Variants in SDR42E2 observed in about 807,000 individuals in gnomAD.
SDR42E2 encodes the protein short chain dehydrogenase/reductase family 42E, member 2, also known as putative short-chain dehydrogenase/reductase family 42E member 2.
In SDR42E2, 20 loss-of-function variants were observed where a neutral mutation model predicts 10.5. The ratio of observed to expected loss-of-function variants is 1.90; its 90% CI spans 1.34 to 2.77. SDR42E2 has a LOEUF of 2.77. Among genes scored for constraint, SDR42E2 ranks in the 30% most tolerant of loss-of-function variants. The pLI, the probability that SDR42E2 is intolerant of heterozygous loss-of-function variation, is 0.00. For missense variants in SDR42E2, 162 were observed against 104.2 expected, an observed-to-expected ratio of 1.55 and a Z score of -2.42; for synonymous variants, 72 against 39.2, an observed-to-expected ratio of 1.84 and a Z score of -3.12.
At chr16:22,183,684 C>G (rs1299933520) in intron 10 of SDR42E2, among the ~76,000 whole-genome samples, 1 of 152,212 alleles carries the variant, frequency 6.6e-6, no homozygotes, top group Non-Finnish European at 1.5e-5. Flanking sequence ...GCATATCCTA[C>G]CACCCTCCAC....
intron 9 of SDR42E2, among the ~76,000 whole-genome samples, 178 bp downstream of exon 9, chr16:22,181,834 A>G (rs544610912): frequency 6.6e-6 from 1 of 152,314 alleles, no homozygotes; most frequent in Admixed American, 6.5e-5. Context: ...AGTTCTTTAT[A>G]GAGCATCTTT....
intron 1 of SDR42E2, among the ~76,000 whole-genome samples, chr16:22,164,872 T>C (rs1041435251): frequency 1.2e-4 from 18 of 152,198 alleles, no homozygotes; most frequent in Admixed American, 9.8e-4. Flanking sequence ...TCTGGTGAGG[T>C]TCCCGCTGGA....
rs1023461490 is a variant in SDR42E2, at chr16:22,166,934, C to T, written c.271C>T (p.Arg91Cys). Residue 91 changes from arginine to cysteine, a missense_variant, in exon 4 of 13, where the codon CGT becomes TGT. Physicochemically the swap from Arg to Cys is radical, Grantham distance 180. Transcript: ENST00000602312. ...ADVRDEEALYRAFEGVDCVFH... is the reference protein window; with the variant it reads ...ADVRDEEALYCAFEGVDCVFH... Reference sequence around the variant, plus strand: ...TGTCCGAGATGAAGAAGCCCTGTACCGTGCCTTCGAAGGGGTGGACTGTGT... The same window carrying T: ...TGTCCGAGATGAAGAAGCCCTGTACTGTGCCTTCGAAGGGGTGGACTGTGT... 13 of 700,582 alleles carry T rather than the reference C, an allele frequency of 1.9e-5. 1 individual carries two copies. The highest frequency in any genetic ancestry group is 3.4e-5 in the Non-Finnish European group (13 of 383,512). 43.4% of individuals were successfully genotyped at this position (700,582 alleles called of 1,614,324 possible).
Position 22,166,246 on chromosome 16 carries a change from C to A in SDR42E2, c.56-4C>A. ...CAGTGAGTCAACAACAACCCCAACACCAGCGCCGCAGCAGAAGACTCAAGC... is the reference window on the plus strand; with the variant it reads ...CAGTGAGTCAACAACAACCCCAACAACAGCGCCGCAGCAGAAGACTCAAGC... On this transcript the variant is annotated splice_polypyrimidine_tract_variant and splice_region_variant and intron_variant, in intron 2 of 12. Transcript: ENST00000602312. The A allele has an allele frequency of 2.5e-6, 1 of 403,200 alleles. No homozygotes were observed. Among genetic ancestry groups the A allele is most frequent in the Non-Finnish European group, 4.4e-6 (1 of 227,662 alleles). 25.0% of individuals were successfully genotyped at this position (403,200 alleles called of 1,614,324 possible). A position where few individuals can be genotyped will look rare whatever the true frequency, so the allele number is the denominator to read the frequency against.
intron 7 of SDR42E2, among the ~76,000 whole-genome samples, chr16:22,176,453 A>C (rs1178884177): frequency 5.3e-5 from 8 of 152,234 alleles, no homozygotes; most frequent in Non-Finnish European, 1.0e-4. Flanking sequence ...TTACGCTCTA[A>C]ACTTCAGAGC....
chr16:22,172,447 C>T (rs779801588), intron 7 of SDR42E2, 116 bp downstream of exon 7: 17 of 680,148 alleles, frequency 2.5e-5, no homozygotes, highest in Admixed American at 1.2e-4. Flanking sequence ...TTCCAAAGGA[C>T]GGTTTCCCAG....
At chr16:22,166,119 T>C (rs185118861) in intron 2 of SDR42E2, 131 bp from the exon 3 acceptor site, 41 of 484,514 alleles carry the variant, frequency 8.5e-5, no homozygotes, top group African/African-American at 7.9e-4. Flanking sequence ...GATCGGTACC[T>C]GGGCCGGGAG....
intron 4 of SDR42E2, among the ~76,000 whole-genome samples, chr16:22,167,342 G>A (rs553101412): frequency 2.0e-5 from 3 of 151,660 alleles, no homozygotes; most frequent in South Asian, 2.1e-4. Context: ...CCACCAACAC[G>A]CCCAGCTAAT....
intron 10 of SDR42E2, 114 bp from the exon 11 acceptor site, chr16:22,184,067 G>T: frequency 2.5e-6 from 1 of 397,006 alleles, no homozygotes. Context: ...CCCTGGGGTG[G>T]GTTGGTGGGG....
chr16:22,189,130 CACTT>C (rs1342133355), intron 12 of SDR42E2, among the ~76,000 whole-genome samples: 2 of 152,158 alleles, frequency 1.3e-5, no homozygotes, highest in African/African-American at 4.8e-5. Context: ...CAAAGCCCTG[CACTT>C]ACTGACTAGG....
intron 1 of SDR42E2, among the ~76,000 whole-genome samples, chr16:22,163,613 A>G (rs933565086): frequency 1.1e-4 from 16 of 152,134 alleles, no homozygotes; most frequent in Non-Finnish European, 1.8e-4. Flanking sequence ...AGGCTGAGGG[A>G]GGAGAATTGC....
chr16:22,177,133 G>C (rs1417406723), intron 7 of SDR42E2, among the ~76,000 whole-genome samples: 1 of 152,176 alleles, frequency 6.6e-6, no homozygotes, highest in Non-Finnish European at 1.5e-5. Context: ...TGTGTGACTG[G>C]AAGCAAATCA....
chr16:22,169,996 C>A (rs1163241377), intron 5 of SDR42E2, among the ~76,000 whole-genome samples: 2 of 151,750 alleles, frequency 1.3e-5, no homozygotes, highest in Admixed American at 6.6e-5. Context: ...CGTGCCACTG[C>A]TCTACAGCCT....
rs2046528187 is a variant in SDR42E2 at position 22,165,604 on chromosome 16, T to C, written c.22T>C (p.Ser8Pro). Residue 8 changes from serine (S) to proline (P), a missense_variant, in exon 2 of 13, where the codon TCC (serine) becomes CCC (proline). Coordinates refer to ENST00000602312, the MANE Select transcript of SDR42E2 (RefSeq NM_001394319.2). The stretch of plus-strand genomic sequence containing the variant: ...GAGGATGAAGTCCAACCCCCCACGC[T>C]CCTCCCTAGAGGCCTGCAAAGCTGC... MKSNPPR[S>P]SLEACKAAGQ... The C allele has an allele frequency of 1.2e-5, 5 of 401,332 alleles. No individual in the cohort carries two copies. The East Asian group carries it at 1.8e-4, about 14-fold the overall frequency. The allele number at this position is 401,332 out of a possible 1,614,324, so 24.9% of individuals were successfully genotyped here. A position where few individuals can be genotyped will look rare whatever the true frequency, so the allele number is the denominator to read the frequency against.
rs181877452 is a variant in SDR42E2 at position 22,165,491 on chromosome 16, T to C, written c.-36-56T>C. 56 of 399,758 alleles carry C rather than the reference T, an allele frequency of 1.4e-4. 1 individual carries two copies. Among genetic ancestry groups the C allele is most frequent in the East Asian group, 1.1e-3 (32 of 28,008 alleles). The allele number at this position is 399,758 out of a possible 1,614,324, so 24.8% of individuals were successfully genotyped here. ...CCCCTCAGTCCTAGAGGTCTAATAA[T>C]TTATGTGACTTGAAACGATTCTAGA... On this transcript the variant is annotated intron_variant, in intron 1 of 12. Transcript: ENST00000602312.
At chr16:22,186,968 T>A (rs1280570566) in intron 12 of SDR42E2, among the ~76,000 whole-genome samples, 174 bp downstream of exon 12, 2 of 151,158 alleles carry the variant, frequency 1.3e-5, no homozygotes, top group African/African-American at 2.4e-5. Context: ...AGCTCTGTTA[T>A]GATCACCCCA....
intron 7 of SDR42E2, among the ~76,000 whole-genome samples, chr16:22,175,558 T>C (rs1346954399): frequency 1.3e-5 from 2 of 150,970 alleles, no homozygotes; most frequent in Non-Finnish European, 3.0e-5. Context: ...TTTTTTTTTT[T>C]AGTCTCCCAA....
chr16:22,189,339 G>A (rs2046755272), intron 12 of SDR42E2, among the ~76,000 whole-genome samples: 1 of 152,148 alleles, frequency 6.6e-6, no homozygotes, highest in African/African-American at 2.4e-5. Context: ...CAGCACAGCA[G>A]AGAAGAAATT....
At position 22,190,840 on chromosome 16, in the gene SDR42E2, C is replaced by T. The variant is rs2046770310; in HGVS notation, c.*447C>T. The T allele has an allele frequency of 6.2e-6, 1 of 160,344 alleles. No homozygotes were observed. The highest frequency in any genetic ancestry group is 1.4e-5 in the Non-Finnish European group (1 of 73,562). 9.9% of individuals were successfully genotyped at this position (160,344 alleles called of 1,614,324 possible). A position where few individuals can be genotyped will look rare whatever the true frequency, so the allele number is the denominator to read the frequency against. ...CCTAGCCCCTGAGCAGACCTCCAGA[C>T]CTAGCCCCGCCCCCGTTTTATAACC... On this transcript the variant is annotated 3_prime_UTR_variant, in exon 13 of 13. Transcript: ENST00000602312.
Sources: gnomAD v4.1 joint callset for allele counts (sites outside exome capture counted in the v4.1 genomes callset) on GRCh38, gnomAD v4.1.1 for gene constraint, MANE v1.5 for transcripts, NCBI Gene and HGNC (gene_info 2026-07-23, HGNC 2026-07-21) for gene names.